The following TRNT1 variants were observed in gnomAD, a reference collection of about 807,000 sequenced individuals.
TRNT1 encodes the protein tRNA nucleotidyl transferase 1.
TRNT1 carries 44 observed loss-of-function variants against 45.6 expected under a neutral mutation model. The ratio of observed to expected loss-of-function variants is 0.97; its 90% CI spans 0.76 to 1.24. The LOEUF is 1.24. Among genes scored for constraint, TRNT1 ranks in the 50% most tolerant of loss-of-function variants. The probability of loss-of-function intolerance (pLI) is 0.00; values close to 1 mark genes in which losing one functional copy is unlikely to be tolerated. For missense variants in TRNT1, 633 were observed against 504.4 expected (o/e 1.25, Z -2.44); for synonymous variants, 201 against 171.4 (o/e 1.17, Z -1.35).
At position 3,129,198 on chromosome 3, in the gene TRNT1, T is replaced by G; in HGVS notation, c.148+10T>G. ...CTGAAGAGTCTGACAGGTGAGAGAT[T>G]AGGATACCTTTTCTTGATTGGAAAC... is the stretch of plus-strand genomic sequence containing the variant. On this transcript the variant is annotated intron_variant, in intron 2 of 7. Coordinates refer to ENST00000251607, the MANE Select transcript of TRNT1 (RefSeq NM_182916.3). The G allele has an allele frequency of 6.2e-7, 1 of 1,613,260 alleles. No individual in the cohort carries two copies. The highest frequency in any genetic ancestry group is 8.5e-7 in the Non-Finnish European group (1 of 1,179,488).
intron 5 of TRNT1, chr3:3,145,630 G>C (rs1039739151): frequency 6.6e-6 from 1 of 151,872 alleles, no homozygotes; most frequent in Admixed American, 6.6e-5. Context: ...TATCCGAATT[G>C]GCTAGTTTAT....
rs550975770 is a variant in TRNT1, at chr3:3,127,112, T to C, written c.-28+122T>C. 4 of 152,384 alleles carry C rather than the reference T, an allele frequency of 2.6e-5. No homozygotes were observed. In the East Asian group the frequency reaches 5.8e-4, roughly 22 times the overall value. The allele number at this position is 152,384 out of a possible 1,614,324, so 9.4% of individuals were successfully genotyped here. Reference sequence around the variant, plus strand: ...CCTCGAGGAAGACGGGAGCGGGACGTGGCGAGAGGCCTCCTCAGCAGTGGG... The same window carrying C: ...CCTCGAGGAAGACGGGAGCGGGACGCGGCGAGAGGCCTCCTCAGCAGTGGG... On this transcript the variant is annotated intron_variant, in intron 1 of 7. Coordinates refer to ENST00000251607, the MANE Select transcript of TRNT1 (RefSeq NM_182916.3).
At chr3:3,144,398 C>A (rs1705848872) in intron 4 of TRNT1, among the ~76,000 whole-genome samples, 186 bp from the exon 5 acceptor site, 2 of 152,178 alleles carry the variant, frequency 1.3e-5, no homozygotes, top group Admixed American at 1.3e-4. Context: ...TGCAGCTAAA[C>A]AGACTAAAAG....
rs752478909 is a variant in TRNT1 at position 3,140,570 on chromosome 3, C to G, written c.403C>G (p.His135Asp). Residue 135 changes from histidine (H) to aspartate (D), a missense_variant, in exon 4 of 8, where the codon CAT (histidine) becomes GAT (aspartate). By Grantham distance (81) the His-to-Asp change is moderately conservative. Coordinates refer to ENST00000251607, the MANE Select transcript of TRNT1 (RefSeq NM_182916.3). ...LRIDVTTDGR[H>D]AEVEFTTDWQ... ...GATTGATGTCACCACTGATGGAAGA[C>G]ATGCTGAGGTAGAATTTACAACTGA... is the stretch of plus-strand genomic sequence containing the variant. The G allele has an allele frequency of 6.2e-7, 1 of 1,614,114 alleles. No individual in the cohort carries two copies. Among genetic ancestry groups the G allele is most frequent in the Non-Finnish European group, 8.5e-7 (1 of 1,179,996 alleles).
At chr3:3,147,362 C>G (rs897013676) in intron 6 of TRNT1, 88 bp from the exon 7 acceptor site, 8 of 1,454,588 alleles carry the variant, frequency 5.5e-6, no homozygotes, top group Non-Finnish European at 7.5e-6. Flanking sequence ...CAAAGCATTT[C>G]TGGATACTAA....
In TRNT1 at chr3:3,136,426, A is replaced by G. The variant is rs76164518; in HGVS notation, c.149-834A>G. ...GTGTTCAAATGGTTCTACCTAGAGC[A>G]CAGATAGGAGTTGATTTTAGAATTA... On this transcript the variant is annotated intron_variant, in intron 2 of 7. Coordinates refer to ENST00000251607, the MANE Select transcript of TRNT1 (RefSeq NM_182916.3). Among the ~76,000 whole-genome samples the G allele has an allele frequency of 1.4e-4, 22 of 152,298 alleles. 2 individuals are homozygous for G. Among genetic ancestry groups the G allele is most frequent in the African/African-American group, 5.1e-4 (21 of 41,538 alleles).
chr3:3,150,657 C>T (rs1407999903), downstream of TRNT1: 8 of 511,920 alleles, frequency 1.6e-5, no homozygotes, highest in Non-Finnish European at 2.8e-5. Flanking sequence ...TTCTGGTATT[C>T]TAGACTGCCG....
chr3:3,139,487 A>C (rs1182618008), intron 3 of TRNT1, among the ~76,000 whole-genome samples: 2 of 152,074 alleles, frequency 1.3e-5, no homozygotes, highest in African/African-American at 4.8e-5. Flanking sequence ...TTTATTCTCT[A>C]CTCCTAAATG....
At chr3:3,136,733 C>G (rs1268359272) in intron 2 of TRNT1, 1 of 401,858 alleles carries the variant, frequency 2.5e-6, no homozygotes. Context: ...TAGCTCACCG[C>G]AGCCTTGAAC....
downstream of TRNT1, chr3:3,149,351 A>AAAGT (rs1392807980): frequency 6.6e-6 from 1 of 152,144 alleles, no homozygotes; most frequent in East Asian, 1.9e-4. Context: ...TTCTGTATAG[A>AAAGT]AAGTATGCAG....
At chr3:3,127,605 G>A (rs1031204702) in intron 1 of TRNT1, 2 of 152,524 alleles carry the variant, frequency 1.3e-5, no homozygotes, top group African/African-American at 4.8e-5. Context: ...GGAAAATGGG[G>A]GCAGCAAAAC....
downstream of TRNT1, among the ~76,000 whole-genome samples, chr3:3,151,937 A>G (rs1449666647): frequency 6.6e-6 from 1 of 152,238 alleles, no homozygotes; most frequent in Non-Finnish European, 1.5e-5. Context: ...ACTACAGAAT[A>G]TGGTCCAGAT....
chr3:3,153,082 G>A, downstream of TRNT1: 1 of 308,926 alleles, frequency 3.2e-6, no homozygotes, highest in East Asian at 8.1e-5. Flanking sequence ...GCCCTATATG[G>A]CAAAACTGAT....
chr3:3,142,303 A>G (rs1412464309), intron 4 of TRNT1, among the ~76,000 whole-genome samples: 5 of 152,202 alleles, frequency 3.3e-5, no homozygotes, highest in East Asian at 3.8e-4. Flanking sequence ...CTGAACCCTT[A>G]TAACATGTCA....
intron 3 of TRNT1, among the ~76,000 whole-genome samples, chr3:3,140,017 C>T (rs1430423883): frequency 6.6e-6 from 1 of 152,208 alleles, no homozygotes; most frequent in Non-Finnish European, 1.5e-5. Flanking sequence ...GCATGAGCCA[C>T]CACCCCCAGC....
chr3:3,136,304 C>G lies in TRNT1; in HGVS notation c.149-956C>G, dbSNP rs148594036. On this transcript the variant is annotated intron_variant, in intron 2 of 7. Transcript: ENST00000251607. The stretch of plus-strand genomic sequence containing the variant: ...GGCTAGCTCCTGGATGCCATTCTCA[C>G]TAGGTTCCATGTGGACATATGGATA... 7.8e-3 allele frequency among the ~76,000 whole-genome samples: 1,189 copies of G among 152,262 alleles called. 14 individuals carry two copies. The highest frequency in any genetic ancestry group is 0.027 in the African/African-American group (1,118 of 41,530).
In TRNT1 at chr3:3,146,565, T is replaced by C. The variant is rs201105941; in HGVS notation, c.744T>C (p.Gly248=). The C allele has an allele frequency of 1.2e-4, 186 of 1,614,006 alleles. 1 individual carries two copies. In the South Asian group the frequency reaches 1.7e-3, roughly 15 times the overall value. ...TGGAACTGAAAAAAATTCTTGTTGGTAACCATGTAAATCATTTGATTCACC... is the reference window on the plus strand; with the variant it reads ...TGGAACTGAAAAAAATTCTTGTTGGCAACCATGTAAATCATTTGATTCACC... ...IWVELKKILV[G]NHVNHLIHLI... Residue 248 remains glycine (G), a synonymous_variant, in exon 6 of 8, where the codon GGT becomes GGC. Transcript: ENST00000251607.
intron 2 of TRNT1, chr3:3,136,751 C>G: frequency 2.6e-6 from 1 of 384,452 alleles, no homozygotes; most frequent in South Asian, 2.0e-5. Flanking sequence ...AACTCCTGGG[C>G]TCAAGCCATC....
intron 3 of TRNT1, among the ~76,000 whole-genome samples, chr3:3,140,097 A>G (rs1215002950): frequency 1.3e-5 from 2 of 152,162 alleles, no homozygotes; most frequent in East Asian, 3.9e-4. Context: ...CTTATTCTTT[A>G]TCAGTCTTTC....
Sources: allele counts gnomAD v4.1 joint callset (sites outside exome capture counted in the v4.1 genomes callset), GRCh38; gene constraint gnomAD v4.1.1; transcripts MANE v1.5; gene names NCBI Gene and HGNC (gene_info 2026-07-23, HGNC 2026-07-21).